RBFOX1: variants seen among roughly 807,000 people sequenced by gnomAD.
RBFOX1 encodes the protein RNA binding fox-1 homolog 1.
RBFOX1 carries 8 observed loss-of-function variants against 57.7 expected under a neutral mutation model. That is an observed-to-expected ratio of 0.14 (90% CI 0.08 to 0.25). The LOEUF (loss-of-function observed/expected upper bound fraction) is 0.25. RBFOX1 is among the 10% of genes least tolerant of loss of function. RBFOX1 has a pLI of 1.00. For missense variants in RBFOX1, 611 were observed against 548.5 expected (o/e 1.11, Z -1.14); for synonymous variants, 326 against 222.4 (o/e 1.47, Z -4.15).
Position 5,999,885 on chromosome 16 carries a change from AAAAAAAAAAAAAAAAAAAAAAAGAG to A in RBFOX1, c.351+132551_351+132575del, listed in dbSNP as rs1365858298. 9.4e-5 allele frequency among the ~76,000 whole-genome samples: 7 copies of A among 74,510 alleles called. 1 individual carries two copies. Among genetic ancestry groups the A allele is most frequent in the Non-Finnish European group, 2.1e-4 (7 of 32,912 alleles). 48.9% of individuals were successfully genotyped at this position (74,510 alleles called of 152,430 possible). On this transcript the variant is annotated intron_variant, in intron 4 of 19. Transcript: ENST00000641259. Reference sequence around the variant, plus strand: ...TCCACCTCAAAAAAAAAAAAAAAAAAAAAAAAAAAAAAAAAAAAAAAAGAGTGAAGAAGGGAAATCAGACAAGGAA... The same window carrying A: ...TCCACCTCAAAAAAAAAAAAAAAAAATGAAGAAGGGAAATCAGACAAGGAA...
intron 3 of RBFOX1, among the ~76,000 whole-genome samples, chr16:6,679,744 A>G (rs562839282): frequency 1.3e-5 from 2 of 152,238 alleles, no homozygotes; most frequent in African/African-American, 4.8e-5. Flanking sequence ...ATGGATGAGG[A>G]TGTGGTATTT....
intron 4 of RBFOX1, among the ~76,000 whole-genome samples, chr16:7,333,575 C>A (rs914822269): frequency 6.6e-6 from 1 of 152,146 alleles, no homozygotes; most frequent in African/African-American, 2.4e-5. Flanking sequence ...TGAGTGGTGG[C>A]ACTGAGGCAA....
intron 2 of RBFOX1, among the ~76,000 whole-genome samples, chr16:5,492,170 C>A (rs932122345): frequency 6.6e-6 from 1 of 152,166 alleles, no homozygotes; most frequent in Non-Finnish European, 1.5e-5. Context: ...GGTGCATGCT[C>A]AAAGTATAAG....
chr16:6,505,905 G>T (rs2096075738), intron 2 of RBFOX1, among the ~76,000 whole-genome samples: 1 of 152,172 alleles, frequency 6.6e-6, no homozygotes, highest in South Asian at 2.1e-4. Flanking sequence ...CAGAGAACCT[G>T]TTACCTAGGA....
At chr16:7,705,158 G>C (rs551979572) in intron 14 of RBFOX1, among the ~76,000 whole-genome samples, 2 of 152,152 alleles carry the variant, frequency 1.3e-5, no homozygotes, top group African/African-American at 4.8e-5. Flanking sequence ...TGGAGGGTGA[G>C]CAAGTGCCAA....
chr16:6,189,323 C>G (rs1333957378), intron 1 of RBFOX1, among the ~76,000 whole-genome samples: 3 of 152,224 alleles, frequency 2.0e-5, no homozygotes, highest in Admixed American at 2.0e-4. Context: ...ACACTGAGTG[C>G]CATTCCCGGA....
chr16:6,062,803 G>T (rs1221750613), intron 1 of RBFOX1, among the ~76,000 whole-genome samples: 1 of 151,916 alleles, frequency 6.6e-6, no homozygotes, highest in Admixed American at 6.6e-5. Flanking sequence ...GTGCTTCTAG[G>T]GGCGGCAAAT....
intron 2 of RBFOX1, chr16:6,483,345 C>A (rs898856746): frequency 1.3e-6 from 2 of 1,481,800 alleles, no homozygotes; most frequent in African/African-American, 1.4e-5. Context: ...GGCGGTCGTG[C>A]CAGGCAGCCC....
At chr16:6,587,943 GT>G (rs1251110340) in intron 2 of RBFOX1, among the ~76,000 whole-genome samples, 1 of 152,112 alleles carries the variant, frequency 6.6e-6, no homozygotes, top group Non-Finnish European at 1.5e-5. Context: ...AAACAAGGCG[GT>G]TTTTGCCTGG....
intron 4 of RBFOX1, among the ~76,000 whole-genome samples, chr16:7,401,249 A>G (rs2098238020): frequency 1.3e-5 from 2 of 152,266 alleles, no homozygotes; most frequent in South Asian, 2.1e-4. Flanking sequence ...AAGTCAAACT[A>G]CAAATAACTA....
At chr16:7,256,222 C>T (rs949113000) in intron 4 of RBFOX1, among the ~76,000 whole-genome samples, 5 of 152,134 alleles carry the variant, frequency 3.3e-5, no homozygotes, top group Admixed American at 2.0e-4. Flanking sequence ...CTCTTTACTC[C>T]CTTGCCTTCC....
intron 1 of RBFOX1, among the ~76,000 whole-genome samples, chr16:6,121,979 C>T (rs1437934733): frequency 6.6e-6 from 1 of 152,184 alleles, no homozygotes; most frequent in Non-Finnish European, 1.5e-5. Context: ...GATCTCTGCT[C>T]ACTGCAACCC....
chr16:5,641,085 A>G (rs1316406987), intron 3 of RBFOX1, among the ~76,000 whole-genome samples: 1 of 151,182 alleles, frequency 6.6e-6, no homozygotes, highest in East Asian at 2.0e-4. Flanking sequence ...ACACACACAC[A>G]TGCACACCAT....
chr16:7,221,046 T>C (rs1208575253), intron 4 of RBFOX1, among the ~76,000 whole-genome samples: 1 of 152,094 alleles, frequency 6.6e-6, no homozygotes, highest in African/African-American at 2.4e-5. Flanking sequence ...GTCTAACTAG[T>C]AGAGGTGTGT....
intron 1 of RBFOX1, among the ~76,000 whole-genome samples, chr16:6,210,360 CCAA>C (rs2097287169): frequency 3.6e-5 from 1 of 27,468 alleles, no homozygotes; most frequent in African/African-American, 2.1e-4. Context: ...AAAAAAAACA[CCAA>C]AAAAAAAAAA....
chr16:5,930,033 C>T (rs1033365935), intron 4 of RBFOX1, among the ~76,000 whole-genome samples: 3 of 150,978 alleles, frequency 2.0e-5, no homozygotes, highest in African/African-American at 7.3e-5. Flanking sequence ...AGAAAGAAGG[C>T]GGAATGGCTT....
chr16:5,724,660 G>C (rs1242288854), intron 3 of RBFOX1, among the ~76,000 whole-genome samples: 4 of 152,150 alleles, frequency 2.6e-5, no homozygotes, highest in African/African-American at 9.7e-5. Flanking sequence ...TTCTCAAATA[G>C]AGATGGTTTT....
At chr16:6,993,515 C>T (rs1050960452) in intron 3 of RBFOX1, among the ~76,000 whole-genome samples, 2 of 152,096 alleles carry the variant, frequency 1.3e-5, no homozygotes, top group East Asian at 1.9e-4. Context: ...AATCTGTGAT[C>T]AGGAAACCTG....
intron 2 of RBFOX1, among the ~76,000 whole-genome samples, chr16:6,503,316 G>T (rs1460944134): frequency 1.3e-5 from 2 of 152,120 alleles, no homozygotes; most frequent in African/African-American, 4.8e-5. Flanking sequence ...CAGACGAGAT[G>T]GGATAAAGGA....
Sources: gnomAD v4.1 joint callset for allele counts (sites outside exome capture counted in the v4.1 genomes callset) on GRCh38, gnomAD v4.1.1 for gene constraint, MANE v1.5 for transcripts, NCBI Gene and HGNC (gene_info 2026-07-23, HGNC 2026-07-21) for gene names.